The following AMPH variants were observed in gnomAD, a reference collection of about 807,000 sequenced individuals.
AMPH encodes amphiphysin (Stiff-Mann syndrome with breast cancer 128kD autoantigen).
Under a neutral mutation model 99.1 loss-of-function variants are expected in AMPH, and 49 were observed. The observed-to-expected ratio is 0.49, with a 90% confidence interval of 0.39 to 0.63. The LOEUF (loss-of-function observed/expected upper bound fraction) is 0.63, where lower values mean the gene tolerates loss of function less well. AMPH is among the 20% of genes least tolerant of loss of function. AMPH has a pLI of 0.00. For synonymous variants in AMPH, 314 were observed against 317.3 expected (o/e 0.99, Z 0.11); for missense variants, 759 against 863.4 (o/e 0.88, Z 1.52).
At chr7:38,547,514 C>A (rs142412621) in intron 1 of AMPH, among the ~76,000 whole-genome samples, 89 of 152,320 alleles carry the variant, frequency 5.8e-4, no homozygotes, top group African/African-American at 2.0e-3. Context: ...ATAAGCCCTG[C>A]AGTTGACAAA....
intron 1 of AMPH, among the ~76,000 whole-genome samples, chr7:38,577,292 C>T (rs1252000220): frequency 2.2e-4 from 34 of 152,186 alleles, no homozygotes; most frequent in Non-Finnish European, 2.9e-5. Flanking sequence ...GCCTTACTCC[C>T]ATGACCTCCC....
intron 17 of AMPH, among the ~76,000 whole-genome samples, chr7:38,407,223 A>G (rs770031615): frequency 6.7e-6 from 1 of 148,492 alleles, no homozygotes; most frequent in South Asian, 2.1e-4. Context: ...CTATCTATAG[A>G]TAGATAGATA....
chr7:38,542,654 T>C (rs771545844), intron 1 of AMPH, among the ~76,000 whole-genome samples: 62 of 152,152 alleles, frequency 4.1e-4, no homozygotes, highest in Non-Finnish European at 7.5e-4. Flanking sequence ...AGTCATCCAT[T>C]AGACCAATAA....
intron 2 of AMPH, among the ~76,000 whole-genome samples, chr7:38,528,504 A>T (rs1315409551): frequency 2.0e-5 from 3 of 152,194 alleles, no homozygotes; most frequent in Non-Finnish European, 4.4e-5. Flanking sequence ...GTGGTTGTCA[A>T]ATCTGTAAGT....
chr7:38,530,179 G>A (rs1258554825), intron 2 of AMPH, among the ~76,000 whole-genome samples: 1 of 152,158 alleles, frequency 6.6e-6, no homozygotes, highest in African/African-American at 2.4e-5. Context: ...TAGCTCCCAT[G>A]GAAATAAAAA....
chr7:38,502,285 T>G (rs1789166595), intron 3 of AMPH, among the ~76,000 whole-genome samples: 2 of 152,200 alleles, frequency 1.3e-5, no homozygotes, highest in African/African-American at 4.8e-5. Context: ...CTAAATTTAC[T>G]GTATTTTATT....
intron 17 of AMPH, among the ~76,000 whole-genome samples, chr7:38,395,195 A>G (rs888461318): frequency 6.6e-5 from 10 of 151,314 alleles, no homozygotes; most frequent in Non-Finnish European, 1.2e-4. Flanking sequence ...TTTGTGAGGA[A>G]GGTTCCAGAA....
At chr7:38,507,833 G>A (rs1458969942) in intron 2 of AMPH, among the ~76,000 whole-genome samples, 1 of 152,116 alleles carries the variant, frequency 6.6e-6, no homozygotes, top group Non-Finnish European at 1.5e-5. Flanking sequence ...AGGAGGGCAG[G>A]GGAGTCTATT....
At chr7:38,586,606 T>C (rs1013995701) in intron 1 of AMPH, among the ~76,000 whole-genome samples, 1 of 152,094 alleles carries the variant, frequency 6.6e-6, no homozygotes, top group African/African-American at 2.4e-5. Flanking sequence ...AGGTCTGACA[T>C]GGAAGGAGGG....
intron 3 of AMPH, among the ~76,000 whole-genome samples, chr7:38,500,399 C>G (rs958873005): frequency 1.3e-5 from 2 of 152,270 alleles, no homozygotes; most frequent in African/African-American, 4.8e-5. Context: ...TTCCTTTCTC[C>G]GTCATATGGA....
At chr7:38,571,342 A>T (rs1454156643) in intron 1 of AMPH, among the ~76,000 whole-genome samples, 91 of 52,264 alleles carry the variant, frequency 1.7e-3, no homozygotes, top group African/African-American at 6.8e-3. Flanking sequence ...TTATATATAG[A>T]ATATATATAT....
Position 38,631,358 on chromosome 7 carries a change from G to C in AMPH, c.-7C>G. The C allele has an allele frequency of 6.5e-7, 1 of 1,546,642 alleles. No homozygotes were observed. Among genetic ancestry groups the C allele is most frequent in the Non-Finnish European group, 8.7e-7 (1 of 1,147,680 alleles). On this transcript the variant is annotated 5_prime_UTR_variant, in exon 1 of 21. Transcript: ENST00000356264. ...CCGTCTTGATGTCGGCCATGGCTGC[G>C]GGTCCGGGGAGCTGCGAAGAGCAGA...
At chr7:38,538,950 A>C (rs1790712455) in intron 1 of AMPH, among the ~76,000 whole-genome samples, 2 of 152,216 alleles carry the variant, frequency 1.3e-5, no homozygotes, top group African/African-American at 4.8e-5. Context: ...AGCTACACTT[A>C]TACTTTGGAA....
chr7:38,429,090 T>G, intron 14 of AMPH: 1 of 1,290,344 alleles, frequency 7.7e-7, no homozygotes, highest in African/African-American at 1.5e-5. Flanking sequence ...CCACAGAGAA[T>G]CTTCCATCTT....
chr7:38,471,371 T>A (rs1787878957), intron 7 of AMPH, among the ~76,000 whole-genome samples: 2 of 152,218 alleles, frequency 1.3e-5, no homozygotes, highest in African/African-American at 4.8e-5. Flanking sequence ...CTCTATCATC[T>A]CTATCTATAT....
chr7:38,408,707 C>T (rs560324875), intron 17 of AMPH, among the ~76,000 whole-genome samples: 23 of 142,700 alleles, frequency 1.6e-4, no homozygotes, highest in Non-Finnish European at 2.2e-4. Flanking sequence ...GCCAAGATTG[C>T]GCCACTGCAC....
At chr7:38,599,116 T>A (rs1158387567) in intron 1 of AMPH, among the ~76,000 whole-genome samples, 3 of 152,254 alleles carry the variant, frequency 2.0e-5, no homozygotes, top group Non-Finnish European at 4.4e-5. Context: ...AAGTAAATTG[T>A]GATAAACCTT....
intron 1 of AMPH, among the ~76,000 whole-genome samples, chr7:38,611,426 C>A (rs926839235): frequency 6.6e-6 from 1 of 152,216 alleles, no homozygotes; most frequent in African/African-American, 2.4e-5. Flanking sequence ...GTACTGTACA[C>A]TTCAGAATTT....
chr7:38,472,991 G>A (rs1306183698), intron 7 of AMPH, among the ~76,000 whole-genome samples: 2 of 152,184 alleles, frequency 1.3e-5, no homozygotes, highest in African/African-American at 4.8e-5. Flanking sequence ...AGTTTTGGAT[G>A]TAGTAGAGAT....
Sources: allele counts gnomAD v4.1 joint callset (sites outside exome capture counted in the v4.1 genomes callset), GRCh38; gene constraint gnomAD v4.1.1; transcripts MANE v1.5; gene names NCBI Gene and HGNC (gene_info 2026-07-23, HGNC 2026-07-21).